Variants in FLRT1 observed in about 807,000 individuals in gnomAD.
The protein encoded by FLRT1 is fibronectin leucine rich transmembrane protein 1.
A neutral mutation model predicts 30.9 loss-of-function variants in FLRT1; 14 were observed. That is an observed-to-expected ratio of 0.45 (90% CI 0.30 to 0.71). The LOEUF is 0.71. FLRT1 is among the 30% of genes least tolerant of loss of function. FLRT1 has a pLI of 0.08. For synonymous variants in FLRT1, 368 were observed against 430.4 expected (o/e 0.85, Z 1.80); for missense variants, 737 against 949.2 (o/e 0.78, Z 2.94).
intron 1 of FLRT1, among the ~76,000 whole-genome samples, chr11:64,076,977 G>A (rs985145071): frequency 9.9e-5 from 15 of 152,172 alleles, no homozygotes; most frequent in African/African-American, 3.6e-4. Context: ...CCTAAAAATA[G>A]GGCTGAGTGA....
At chr11:64,069,198 T>TGC (rs1376463658) in intron 1 of FLRT1, among the ~76,000 whole-genome samples, 16 of 152,256 alleles carry the variant, frequency 1.1e-4, no homozygotes, top group African/African-American at 3.4e-4. Flanking sequence ...GGAGGGCCAC[T>TGC]GCGCGCGGCC....
chr11:64,051,376 G>C (rs945645119), intron 1 of FLRT1, among the ~76,000 whole-genome samples: 2 of 152,198 alleles, frequency 1.3e-5, no homozygotes, highest in African/African-American at 2.4e-5. Context: ...GAGCTAGAGA[G>C]GCAGCAGGGA....
intron 1 of FLRT1, among the ~76,000 whole-genome samples, chr11:64,053,214 G>A (rs1943726294): frequency 6.6e-6 from 1 of 152,164 alleles, no homozygotes; most frequent in African/African-American, 2.4e-5. Flanking sequence ...AGCAGGGTGG[G>A]GTGAGGCTCC....
chr11:64,115,621 C>T (rs1459593196), intron 2 of FLRT1, among the ~76,000 whole-genome samples: 2 of 152,254 alleles, frequency 1.3e-5, no homozygotes, highest in African/African-American at 2.4e-5. Flanking sequence ...CTCCACTCCT[C>T]GCCAGTGATG....
intron 2 of FLRT1, among the ~76,000 whole-genome samples, chr11:64,114,329 G>GGACA (rs1434875908): frequency 1.4e-5 from 2 of 143,006 alleles, no homozygotes; most frequent in East Asian, 2.3e-4. Context: ...ATGGATGGAC[G>GGACA]GACAGTAGAT....
In FLRT1 at chr11:64,099,823, GGATA is replaced by G. The variant is rs772698385; in HGVS notation, c.-1037-3367_-1037-3364del. On this transcript the variant is annotated intron_variant, in intron 1 of 2. Transcript: ENST00000682287. Reference sequence around the variant, plus strand: ...AGGATGGACGGATGGAGAGGTGAATGGATAGATGGATGGATGGATGGATGAATGA... The same window carrying G: ...AGGATGGACGGATGGAGAGGTGAATGGATGGATGGATGGATGGATGAATGA... Among the ~76,000 whole-genome samples the G allele has an allele frequency of 6.6e-5, 10 of 151,364 alleles. No individual in the cohort carries two copies. In the East Asian group the frequency reaches 9.8e-4, roughly 15 times the overall value.
intron 1 of FLRT1, among the ~76,000 whole-genome samples, chr11:64,065,305 G>A (rs1049984414): frequency 6.6e-6 from 1 of 152,216 alleles, no homozygotes; most frequent in Non-Finnish European, 1.5e-5. Flanking sequence ...AGCGTCAGCT[G>A]CCTCAACATG....
rs1179072522 is a variant in FLRT1, at chr11:64,067,475, G to A, written c.-1038+31316G>A. On this transcript the variant is annotated intron_variant, in intron 1 of 2. Transcript: ENST00000682287. The surrounding 1 kb of genome is among the most constrained non-coding windows in gnomAD (Gnocchi z 4.6). Reference sequence around the variant, plus strand: ...GCACAGACGCCCAGCTCAGATAACAGAAGGGAGGAGATAGGTCGGGGACGG... The same window carrying A: ...GCACAGACGCCCAGCTCAGATAACAAAAGGGAGGAGATAGGTCGGGGACGG... Among the ~76,000 whole-genome samples the A allele has an allele frequency of 6.6e-6, 1 of 152,136 alleles. No individual in the cohort carries two copies. The highest frequency in any genetic ancestry group is 1.5e-5 in the Non-Finnish European group (1 of 68,006).
chr11:64,105,610 C>CATGACCCCACAGGCATGA (rs980393870), intron 2 of FLRT1, among the ~76,000 whole-genome samples: 2 of 152,134 alleles, frequency 1.3e-5, no homozygotes, highest in Non-Finnish European at 2.9e-5. Flanking sequence ...TGCTAAGAGG[C>CATGACCCCACAGGCATGA]GTGACCCCAC....
chr11:64,116,518 C>G lies in FLRT1; in HGVS notation c.251C>G (p.Thr84Ser), dbSNP rs370410537. 1 of 1,614,024 alleles carries G rather than the reference C, an allele frequency of 6.2e-7. No individual in the cohort carries two copies. Among genetic ancestry groups the G allele is most frequent in the Non-Finnish European group, 8.5e-7 (1 of 1,179,960 alleles). ...SIPADIPDDA[T>S]TLYLQNNQIN... ...CCCGCAGATATCCCTGATGATGCCA[C>G]CACCCTCTACCTGCAGAACAACCAG... Residue 84 changes from threonine to serine, a missense_variant, in exon 3 of 3, where the codon ACC becomes AGC. Coordinates refer to ENST00000682287, the MANE Select transcript of FLRT1 (RefSeq NM_013280.5).
chr11:64,065,379 C>G (rs192561170), intron 1 of FLRT1, among the ~76,000 whole-genome samples: 1 of 152,196 alleles, frequency 6.6e-6, no homozygotes, highest in Non-Finnish European at 1.5e-5. Flanking sequence ...CAGGTCCTCA[C>G]AGATTTGCCA....
In FLRT1 at chr11:64,118,049, C is replaced by G; in HGVS notation, c.1782C>G (p.Ser594Arg). The part of the protein sequence containing the change: ...LTRERAYNRG[S>R]RKKDDYMESG... ...GGGAGAGGGCCTACAACCGGGGCAGCAGGAAAAAGGATGACTATATGGAGT... is the reference window on the plus strand; with the variant it reads ...GGGAGAGGGCCTACAACCGGGGCAGGAGGAAAAAGGATGACTATATGGAGT... The change falls in exon 3 of 3, where the codon AGC becomes AGG. Residue 594 changes from serine to arginine, a missense_variant. Transcript: ENST00000682287. 6.2e-7 allele frequency: 1 copy of G among 1,613,104 alleles called. No individual in the cohort carries two copies. The highest frequency in any genetic ancestry group is 8.5e-7 in the Non-Finnish European group (1 of 1,179,760).
rs528803849 is a variant in FLRT1, at chr11:64,092,788, C to G, written c.-1037-10406C>G. ...CTGAGTAAACGGGTGCATGAACACC[C>G]ACAGCATCTCCCCAAGCATGGTTTG... On this transcript the variant is annotated intron_variant, in intron 1 of 2. Coordinates refer to ENST00000682287, the MANE Select transcript of FLRT1 (RefSeq NM_013280.5). Among the ~76,000 whole-genome samples the G allele has an allele frequency of 2.0e-5, 3 of 152,350 alleles. No individual in the cohort carries two copies. In the East Asian group the frequency reaches 5.8e-4, roughly 29 times the overall value.
rs1431088602 is a variant in FLRT1 at position 64,064,874 on chromosome 11, A to ATTCG, written c.-1038+28717_-1038+28718insCGTT. Among the ~76,000 whole-genome samples, 3 of 142,804 alleles carry ATTCG rather than the reference A, an allele frequency of 2.1e-5. No homozygotes were observed. Among genetic ancestry groups the ATTCG allele is most frequent in the African/African-American group, 5.8e-5 (2 of 34,720 alleles). 93.7% of individuals were successfully genotyped at this position (142,804 alleles called of 152,430 possible). A position where few individuals can be genotyped will look rare whatever the true frequency, so the allele number is the denominator to read the frequency against. On this transcript the variant is annotated intron_variant, in intron 1 of 2. Transcript: ENST00000682287. The surrounding 1 kb of genome is among the most constrained non-coding windows in gnomAD (Gnocchi z 4.5). Reference sequence around the variant, plus strand: ...CATTCATTCATTCATTCATTCATTCATTTGATGAGTGCTTCCAGAGCCCAC... The same window carrying ATTCG: ...CATTCATTCATTCATTCATTCATTCATTCGTTTGATGAGTGCTTCCAGAGCCCAC...
At chr11:64,049,066 G>C (rs112415305) in intron 1 of FLRT1, among the ~76,000 whole-genome samples, 2 of 152,226 alleles carry the variant, frequency 1.3e-5, no homozygotes, top group Non-Finnish European at 2.9e-5. Context: ...TGTCCTTCAG[G>C]GGGTGGGGCC....
At chr11:64,046,396 A>G (rs1452942427) in intron 1 of FLRT1, among the ~76,000 whole-genome samples, 1 of 152,154 alleles carries the variant, frequency 6.6e-6, no homozygotes, top group African/African-American at 2.4e-5. Flanking sequence ...CTGGGTTCCC[A>G]AAGTGTCCCC....
rs185197042 is a variant in FLRT1, at chr11:64,043,031, G to A, written c.-1038+6872G>A. Among the ~76,000 whole-genome samples the A allele has an allele frequency of 7.9e-5, 12 of 152,324 alleles. No homozygotes were observed. The East Asian group carries it at 1.2e-3, about 15-fold the overall frequency. ...GCTATGAAATGAAAGCTCTGGAGTCGATGAACTTGGGCTCGAAGCCCACCT... is the reference window on the plus strand; with the variant it reads ...GCTATGAAATGAAAGCTCTGGAGTCAATGAACTTGGGCTCGAAGCCCACCT... On this transcript the variant is annotated intron_variant, in intron 1 of 2. Coordinates refer to ENST00000682287, the MANE Select transcript of FLRT1 (RefSeq NM_013280.5).
Position 64,096,363 on chromosome 11 carries a change from T to C in FLRT1, c.-1037-6831T>C, listed in dbSNP as rs1944576335. 6.6e-6 allele frequency among the ~76,000 whole-genome samples: 1 copy of C among 151,494 alleles called. No individual in the cohort carries two copies. The highest frequency in any genetic ancestry group is 6.6e-5 in the Admixed American group (1 of 15,246). On this transcript the variant is annotated intron_variant, in intron 1 of 2. Coordinates refer to ENST00000682287, the MANE Select transcript of FLRT1 (RefSeq NM_013280.5). The surrounding 1 kb of genome is among the most constrained non-coding windows in gnomAD (Gnocchi z 4.6). Reference sequence around the variant, plus strand: ...GTCCCTAATGGGCACGGGCGACGCATTACAGTGAGGTCTGCCAGGTAGAGC... The same window carrying C: ...GTCCCTAATGGGCACGGGCGACGCACTACAGTGAGGTCTGCCAGGTAGAGC...
intron 1 of FLRT1, among the ~76,000 whole-genome samples, chr11:64,097,171 A>G (rs1944591626): frequency 6.6e-6 from 1 of 152,216 alleles, no homozygotes; most frequent in Non-Finnish European, 1.5e-5. Flanking sequence ...CCCCCTCTGC[A>G]GCATCCTGAG....
Sources: gnomAD v4.1 joint callset for allele counts (sites outside exome capture counted in the v4.1 genomes callset) on GRCh38, gnomAD v4.1.1 for gene constraint, Gnocchi (gnomAD v3.1) non-coding constraint, MANE v1.5 for transcripts, NCBI Gene and HGNC (gene_info 2026-07-23, HGNC 2026-07-21) for gene names.